Variants in ARHGAP26 observed in about 807,000 individuals in gnomAD.
ARHGAP26 encodes the protein rho GTPase-activating protein 26.
ARHGAP26 carries 38 observed loss-of-function variants against 104.8 expected under a neutral mutation model. That is an observed-to-expected ratio of 0.36 (90% CI 0.28 to 0.48). ARHGAP26 has a LOEUF of 0.48. Ranked by LOEUF, ARHGAP26 falls within the 20% of genes least tolerant of loss-of-function variation. The probability of loss-of-function intolerance (pLI) is 0.99; values close to 1 mark genes in which losing one functional copy is unlikely to be tolerated. For synonymous variants in ARHGAP26, 341 were observed against 340.0 expected (o/e 1.00, Z -0.03); for missense variants, 704 against 947.9 (o/e 0.74, Z 3.38).
At chr5:142,991,424 G>A (rs952291923) in intron 11 of ARHGAP26, among the ~76,000 whole-genome samples, 5 of 152,180 alleles carry the variant, frequency 3.3e-5, no homozygotes, top group Admixed American at 2.6e-4. Context: ...GTAAGGTGAT[G>A]CCTTGCCCTG....
rs567113545 is a variant in ARHGAP26 at position 142,987,590 on chromosome 5, G to A, written c.1108-26490G>A. ...TCTTGTGCCAGTTTTCAAAGGGAAT[G>A]CTTCCAGTTTTTGCCCATTCAGTAT... On this transcript the variant is annotated intron_variant, in intron 11 of 22. Transcript: ENST00000645722. Among the ~76,000 whole-genome samples the A allele has an allele frequency of 1.4e-3, 217 of 152,304 alleles. 1 individual carries two copies. The highest frequency in any genetic ancestry group is 3.4e-3 in the Middle Eastern group (1 of 294).
At chr5:143,102,057 C>G (rs1793324348) in intron 17 of ARHGAP26, among the ~76,000 whole-genome samples, 1 of 152,084 alleles carries the variant, frequency 6.6e-6, no homozygotes. Context: ...TAGCCTTTTC[C>G]ATGATTCAAA....
At chr5:143,201,742 A>G (rs1807765769) in intron 20 of ARHGAP26, among the ~76,000 whole-genome samples, 1 of 152,190 alleles carries the variant, frequency 6.6e-6, no homozygotes, top group Non-Finnish European at 1.5e-5. Flanking sequence ...CTAAAATACA[A>G]TGTACTCTCT....
At chr5:142,947,118 A>AAAAAAAAAG (rs1336588621) in intron 11 of ARHGAP26, 77 of 144,566 alleles carry the variant, frequency 5.3e-4, no homozygotes, top group African/African-American at 2.0e-3. Context: ...AAAAAAAAAA[A>AAAAAAAAAG]AGAGAGAGAG....
chr5:142,773,115 A>G (rs1193248988), intron 1 of ARHGAP26, among the ~76,000 whole-genome samples: 1 of 151,980 alleles, frequency 6.6e-6, no homozygotes, highest in Non-Finnish European at 1.5e-5. Flanking sequence ...GGAGTCAACC[A>G]TTGTGTCCTG....
chr5:142,965,539 C>T (rs1370824487), intron 11 of ARHGAP26, among the ~76,000 whole-genome samples: 1 of 152,240 alleles, frequency 6.6e-6, no homozygotes, highest in Non-Finnish European at 1.5e-5. Flanking sequence ...CTCACTATGT[C>T]CCCTCAGCTC....
intron 20 of ARHGAP26, among the ~76,000 whole-genome samples, chr5:143,182,198 A>G (rs1322427257): frequency 1.3e-5 from 2 of 151,146 alleles, no homozygotes; most frequent in Non-Finnish European, 2.9e-5. Flanking sequence ...TACTACTCTT[A>G]CTACTGTTAA....
intron 20 of ARHGAP26, among the ~76,000 whole-genome samples, chr5:143,199,395 T>C (rs913233297): frequency 6.6e-6 from 1 of 152,244 alleles, no homozygotes; most frequent in Non-Finnish European, 1.5e-5. Flanking sequence ...GGTTCACCAG[T>C]AGCCAATTTA....
chr5:143,153,769 C>T (rs1256746171), intron 20 of ARHGAP26, among the ~76,000 whole-genome samples: 1 of 150,262 alleles, frequency 6.7e-6, no homozygotes, highest in Admixed American at 6.6e-5. Context: ...ACTAATTTTT[C>T]TCGTCCTTCT....
intron 12 of ARHGAP26, among the ~76,000 whole-genome samples, chr5:143,020,968 A>G (rs1395823377): frequency 6.6e-6 from 1 of 152,160 alleles, no homozygotes; most frequent in African/African-American, 2.4e-5. Context: ...AGAATCCTTT[A>G]TATTTGAATA....
rs1388323476 is a variant in ARHGAP26, at chr5:142,983,056, C to T, written c.1108-31024C>T. Among the ~76,000 whole-genome samples the T allele has an allele frequency of 2.6e-5, 4 of 152,178 alleles. No individual in the cohort carries two copies. In the East Asian group the frequency reaches 7.7e-4, roughly 29 times the overall value. On this transcript the variant is annotated intron_variant, in intron 11 of 22. Coordinates refer to ENST00000645722, the MANE Select transcript of ARHGAP26 (RefSeq NM_001135608.3). The stretch of plus-strand genomic sequence containing the variant: ...TTGCCCAGCCCGCCACAAGGGGTTG[C>T]CCTTTGTTGGCTGGTGGTGTGGAGG...
chr5:142,927,629 C>T (rs1471122407), intron 10 of ARHGAP26, among the ~76,000 whole-genome samples: 4 of 152,178 alleles, frequency 2.6e-5, no homozygotes, highest in African/African-American at 7.2e-5. Context: ...AATAAAACTG[C>T]AGGTATTCCT....
intron 11 of ARHGAP26, among the ~76,000 whole-genome samples, chr5:142,998,988 T>G (rs1776820732): frequency 6.6e-6 from 1 of 152,198 alleles, no homozygotes; most frequent in African/African-American, 2.4e-5. Context: ...CATCCTAATG[T>G]ATATATGAAA....
intron 10 of ARHGAP26, among the ~76,000 whole-genome samples, chr5:142,923,418 GA>G (rs764909416): frequency 3.3e-5 from 5 of 149,346 alleles, no homozygotes; most frequent in East Asian, 1.9e-4. Context: ...TAGTAAAAAT[GA>G]AAAAAAAATA....
intron 12 of ARHGAP26, among the ~76,000 whole-genome samples, chr5:143,023,707 G>C (rs1780647076): frequency 6.6e-6 from 1 of 152,148 alleles, no homozygotes; most frequent in African/African-American, 2.4e-5. Flanking sequence ...ACCTGAGAAG[G>C]GTGGAAGGCA....
intron 11 of ARHGAP26, among the ~76,000 whole-genome samples, chr5:142,971,028 AT>A (rs200167348): frequency 0.021 from 3,182 of 152,300 alleles, 35 homozygotes; most frequent in Non-Finnish European, 0.033. Context: ...GATTCTACAA[AT>A]TTTTTAGGTG....
At position 142,903,598 on chromosome 5, in the gene ARHGAP26, A is replaced by G; in HGVS notation, c.761A>G (p.Lys254Arg). 1 of 1,614,106 alleles carries G rather than the reference A, an allele frequency of 6.2e-7. No homozygotes were observed. Among genetic ancestry groups the G allele is most frequent in the Non-Finnish European group, 8.5e-7 (1 of 1,179,966 alleles). The change falls in exon 8 of 23, where the codon AAG becomes AGG. Residue 254 changes from lysine (K) to arginine (R), a missense_variant. Physicochemically the swap from Lys to Arg is conservative, Grantham distance 26. Around this residue, in one of 6 missense-constraint regions of ARHGAP26, gnomAD observed 287 missense variants for 438.8 expected, o/e 0.65. Coordinates refer to ENST00000645722, the MANE Select transcript of ARHGAP26 (RefSeq NM_001135608.3). ...SEVESLMKKM[K>R]ENPLEHKTIS... ...GTGGAATCACTGATGAAAAAGATGA[A>G]GGAGAATCCCCTTGAGCACAAGACC... is the stretch of plus-strand genomic sequence containing the variant.
chr5:142,867,703 C>T (rs1169343826), intron 1 of ARHGAP26, among the ~76,000 whole-genome samples: 1 of 152,122 alleles, frequency 6.6e-6, no homozygotes, highest in Non-Finnish European at 1.5e-5. Flanking sequence ...ATTTTATGCT[C>T]CTGCTGGTGG....
chr5:143,036,656 T>C (rs1014748319), intron 12 of ARHGAP26, among the ~76,000 whole-genome samples: 1 of 152,200 alleles, frequency 6.6e-6, no homozygotes, highest in Middle Eastern at 3.2e-3. Context: ...TCTCCATGTA[T>C]TGGCTCTGCA....
Sources: allele counts gnomAD v4.1 joint callset (sites outside exome capture counted in the v4.1 genomes callset), GRCh38; gene constraint gnomAD v4.1.1; regional missense constraint gnomAD v4.1.1; transcripts MANE v1.5; gene names NCBI Gene and HGNC (gene_info 2026-07-23, HGNC 2026-07-21).